TMEM87A: variants seen among roughly 807,000 people sequenced by gnomAD.
TMEM87A encodes the protein Golgi-pH regulating cation channel.
Under a neutral mutation model 90.0 loss-of-function variants are expected in TMEM87A, and 50 were observed. The observed-to-expected ratio is 0.56, with a 90% confidence interval of 0.44 to 0.70. The LOEUF (loss-of-function observed/expected upper bound fraction) is 0.70, where lower values mean the gene tolerates loss of function less well. Ranked by LOEUF, TMEM87A falls within the 30% of genes least tolerant of loss-of-function variation. The probability of loss-of-function intolerance (pLI) is 0.00; values close to 1 mark genes in which losing one functional copy is unlikely to be tolerated. For synonymous variants in TMEM87A, 226 were observed against 226.7 expected (o/e 1.00, Z 0.03); for missense variants, 577 against 660.5 (o/e 0.87, Z 1.39).
chr15:42,256,803 T>TGAG (rs1270435714), intron 6 of TMEM87A, among the ~76,000 whole-genome samples: 1 of 152,154 alleles, frequency 6.6e-6, no homozygotes, highest in African/African-American at 2.4e-5. Flanking sequence ...CTGCAACCTC[T>TGAG]GCCTCCCAGA....
chr15:42,237,694 C>CTTTTT, intron 8 of TMEM87A, 79 bp from the exon 9 acceptor site: 7 of 789,026 alleles, frequency 8.9e-6, no homozygotes, highest in South Asian at 7.4e-5. Context: ...TCAATATATA[C>CTTTTT]TTTTTTTTTT....
At chr15:42,260,011 T>TAGAC (rs61407522) in intron 6 of TMEM87A, among the ~76,000 whole-genome samples, 146,313 of 152,116 alleles carry the variant, frequency 0.96, 70,562 homozygotes, top group Non-Finnish European at 1. Flanking sequence ...ATTCTGGAAT[T>TAGAC]AGCGATTGGT....
At chr15:42,258,802 A>T in intron 6 of TMEM87A, 1 of 1,455,618 alleles carries the variant, frequency 6.9e-7, no homozygotes, top group Admixed American at 2.8e-5. Context: ...AATTCTGTAC[A>T]AATAAAACTG....
chr15:42,273,133 A>G (rs1413804655), intron 1 of TMEM87A, 122 bp downstream of exon 1: 2 of 1,275,162 alleles, frequency 1.6e-6, no homozygotes, highest in African/African-American at 2.9e-5. Context: ...AGCCACACAG[A>G]CCATCCCAGC....
At chr15:42,217,519 A>G (rs2050402840) in intron 19 of TMEM87A, among the ~76,000 whole-genome samples, 1 of 152,228 alleles carries the variant, frequency 6.6e-6, no homozygotes, top group South Asian at 2.1e-4. Context: ...AAAGAACTAG[A>G]TGGTGGAGAG....
intron 2 of TMEM87A, among the ~76,000 whole-genome samples, chr15:42,271,038 T>A (rs908709263): frequency 9.2e-5 from 14 of 152,214 alleles, no homozygotes; most frequent in African/African-American, 3.4e-4. Flanking sequence ...GAATCACACA[T>A]CTATCATCAG....
In TMEM87A at chr15:42,264,699, A is replaced by ATATATATATATTTTT. The variant is rs10681614; in HGVS notation, c.292-497_292-496insAAAAATATATATATA. On this transcript the variant is annotated intron_variant, in intron 3 of 19. Transcript: ENST00000389834. The stretch of plus-strand genomic sequence containing the variant: ...TATGTGTGTGTATATATATATATAT[A>ATATATATATATTTTT]TTTTTTTTTTAACTTTTATTTTAGG... Among the ~76,000 whole-genome samples the ATATATATATATTTTT allele has an allele frequency of 3.5e-3, 386 of 109,404 alleles. 1 individual carries two copies. The highest frequency in any genetic ancestry group is 7.9e-3 in the South Asian group (26 of 3,288). The allele number at this position is 109,404 out of a possible 152,430, so 71.8% of individuals were successfully genotyped here. A position where few individuals can be genotyped will look rare whatever the true frequency, so the allele number is the denominator to read the frequency against.
Position 42,273,300 on chromosome 15 carries a change from G to A in TMEM87A, c.99C>T (p.Thr33=). 2 of 1,614,152 alleles carry A rather than the reference G, an allele frequency of 1.2e-6. No individual in the cohort carries two copies. Among genetic ancestry groups the A allele is most frequent in the Non-Finnish European group, 1.7e-6 (2 of 1,180,032 alleles). Residue 33 remains threonine (T), a synonymous_variant, in exon 1 of 20, where the codon ACC becomes ACT. Coordinates refer to ENST00000389834, the MANE Select transcript of TMEM87A (RefSeq NM_015497.5). ...ATTTGGACCGGTCGGCAGCAGCTAC[G>A]GTTGCCGGTCCCGCACTGAAAAACG... is the stretch of plus-strand genomic sequence containing the variant. ...PLSFFSAGPA[T]VAAADRSKWH...
Position 42,244,168 on chromosome 15 carries a change from C to A in TMEM87A, c.505-1G>T. On this transcript the variant is annotated splice_acceptor_variant, in intron 6 of 19. Transcript: ENST00000389834. LOFTEE classifies it high-confidence loss of function. Reference sequence around the variant, plus strand: ...AAGTTTGCAATGGTTCATGCATTGCCTAGAAAGGGAAAAGGGCATCACATC... The same window carrying A: ...AAGTTTGCAATGGTTCATGCATTGCATAGAAAGGGAAAAGGGCATCACATC... The A allele has an allele frequency of 6.6e-7, 1 of 1,525,208 alleles. No homozygotes were observed. The highest frequency in any genetic ancestry group is 8.8e-7 in the Non-Finnish European group (1 of 1,137,102). 94.5% of individuals were successfully genotyped at this position (1,525,208 alleles called of 1,614,324 possible).
At chr15:42,229,707 T>C (rs770708212) in intron 12 of TMEM87A, among the ~76,000 whole-genome samples, 20 of 152,172 alleles carry the variant, frequency 1.3e-4, no homozygotes, top group Non-Finnish European at 2.8e-4. Flanking sequence ...GAAGCTCATA[T>C]GGTTTGCTTC....
intron 14 of TMEM87A, chr15:42,227,502 C>T (rs941182559): frequency 2.2e-6 from 1 of 458,592 alleles, no homozygotes; most frequent in Non-Finnish European, 3.9e-6. Flanking sequence ...TGGGAGAATA[C>T]AGTCAGAAAA....
At chr15:42,214,068 A>T (rs997137036) in intron 19 of TMEM87A, among the ~76,000 whole-genome samples, 1 of 152,192 alleles carries the variant, frequency 6.6e-6, no homozygotes, top group African/African-American at 2.4e-5. Flanking sequence ...AACAAAATAT[A>T]TAATTCCTAG....
intron 2 of TMEM87A, among the ~76,000 whole-genome samples, chr15:42,269,842 A>G (rs1489697191): frequency 7.0e-6 from 1 of 142,470 alleles, no homozygotes; most frequent in Non-Finnish European, 1.5e-5. Context: ...AGGCTGAGGC[A>G]GGAGAATGGC....
intron 1 of TMEM87A, chr15:42,272,713 C>A: frequency 9.1e-6 from 3 of 330,168 alleles, no homozygotes; most frequent in Non-Finnish European, 1.8e-5. Context: ...CAATTTTAAC[C>A]ATTCCCATGT....
intron 18 of TMEM87A, 57 bp from the exon 19 acceptor site, chr15:42,217,890 C>G: frequency 6.5e-7 from 1 of 1,532,760 alleles, no homozygotes; most frequent in East Asian, 2.3e-5. Context: ...ATAAATGGTT[C>G]ATAAAAGACA....
chr15:42,218,667 T>A (rs920840852), intron 17 of TMEM87A, among the ~76,000 whole-genome samples: 5 of 152,202 alleles, frequency 3.3e-5, no homozygotes, highest in African/African-American at 1.2e-4. Context: ...GTGGTATTTG[T>A]CTTTCTGTGC....
chr15:42,223,271 TG>T (rs2050529740), intron 15 of TMEM87A, among the ~76,000 whole-genome samples: 1 of 152,050 alleles, frequency 6.6e-6, no homozygotes. Context: ...TGCACACCGG[TG>T]GTCCCAGCTA....
At chr15:42,258,954 A>G in intron 6 of TMEM87A, 1 of 1,043,070 alleles carries the variant, frequency 9.6e-7, no homozygotes, top group South Asian at 1.4e-5. Context: ...GTCTTTCAAC[A>G]ATCCAAGAAA....
intron 15 of TMEM87A, among the ~76,000 whole-genome samples, chr15:42,221,022 T>A (rs2050471165): frequency 6.6e-6 from 1 of 152,044 alleles, no homozygotes. Context: ...CGCCTGTAAT[T>A]CCAGCTACTT....
Sources: allele counts gnomAD v4.1 joint callset (sites outside exome capture counted in the v4.1 genomes callset), GRCh38; gene constraint gnomAD v4.1.1; transcripts MANE v1.5; gene names NCBI Gene and HGNC (gene_info 2026-07-23, HGNC 2026-07-21).